GUCY1B1: variants seen among roughly 807,000 people sequenced by gnomAD.
GUCY1B1 encodes the protein guanylate cyclase 1 soluble subunit beta 1, also known as guanylate cyclase soluble subunit beta-1.
GUCY1B1 carries 43 observed loss-of-function variants against 71.0 expected under a neutral mutation model. The observed-to-expected ratio is 0.61, with a 90% CI of 0.47 to 0.78. The LOEUF (loss-of-function observed/expected upper bound fraction) is 0.78, where lower values mean the gene tolerates loss of function less well. Ranked by LOEUF, GUCY1B1 falls within the 30% of genes least tolerant of loss-of-function variation. The pLI is 0.00. For missense variants in GUCY1B1, 535 were observed against 754.1 expected (o/e 0.71, Z 3.40); for synonymous variants, 266 against 259.7 (o/e 1.02, Z -0.23).
At chr4:155,788,598 A>G (rs1738955637) in intron 4 of GUCY1B1, among the ~76,000 whole-genome samples, 1 of 152,222 alleles carries the variant, frequency 6.6e-6, no homozygotes, top group South Asian at 2.1e-4. Flanking sequence ...ACATATTCAC[A>G]GGGATTAAGG....
intron 5 of GUCY1B1, among the ~76,000 whole-genome samples, chr4:155,793,280 T>C (rs1349253875): frequency 2.6e-5 from 4 of 152,130 alleles, no homozygotes; most frequent in Non-Finnish European, 5.9e-5. Flanking sequence ...TTTTGCCATG[T>C]TGGCCAGGCT....
chr4:155,778,874 CAA>C (rs1267953479), intron 4 of GUCY1B1, among the ~76,000 whole-genome samples: 8 of 152,130 alleles, frequency 5.3e-5, no homozygotes, highest in Non-Finnish European at 1.2e-4. Flanking sequence ...CAACTTATAG[CAA>C]AGTTTCAACT....
Position 155,803,619 on chromosome 4 carries a change from G to C in GUCY1B1, c.1414-5G>C, listed in dbSNP as rs746809128. The stretch of plus-strand genomic sequence containing the variant: ...CCGTGAACATCTAAATATATGTACT[G>C]TTAGGTGGAGACTGTTGGTGACAAG... On this transcript the variant is annotated splice_region_variant and splice_polypyrimidine_tract_variant and intron_variant, in intron 10 of 13. Transcript: ENST00000264424. 4 of 1,568,122 alleles carry C rather than the reference G, an allele frequency of 2.6e-6. No individual in the cohort carries two copies. The highest frequency in any genetic ancestry group is 3.5e-6 in the Non-Finnish European group (4 of 1,157,020).
chr4:155,806,168 A>T (rs1740296946), intron 13 of GUCY1B1, among the ~76,000 whole-genome samples: 2 of 152,092 alleles, frequency 1.3e-5, no homozygotes, highest in Admixed American at 1.3e-4. Flanking sequence ...GGACATGCTT[A>T]TTGATGTTCT....
At chr4:155,792,205 G>A (rs13435454) in intron 5 of GUCY1B1, among the ~76,000 whole-genome samples, 84,846 of 151,702 alleles carry the variant, frequency 0.56, 24,037 homozygotes, top group Middle Eastern at 0.74. Flanking sequence ...TGAACCACAT[G>A]GTTAATACTA....
chr4:155,784,842 T>C (rs1738659665), intron 4 of GUCY1B1, among the ~76,000 whole-genome samples: 1 of 152,198 alleles, frequency 6.6e-6, no homozygotes, highest in African/African-American at 2.4e-5. Flanking sequence ...CCTGTAATTA[T>C]GTAAGAACTT....
At position 155,807,284 on chromosome 4, in the gene GUCY1B1, G is replaced by A. The variant is rs1326811023; in HGVS notation, c.*875G>A. On this transcript the variant is annotated 3_prime_UTR_variant, in exon 14 of 14. Coordinates refer to ENST00000264424, the MANE Select transcript of GUCY1B1 (RefSeq NM_000857.5). ...GATACTGCTGTTAGAGCCCTTCTTG[G>A]CCTTGTATTCCCAGAAATGAGCTCC... 1.3e-5 allele frequency: 2 copies of A among 152,104 alleles called. No individual in the cohort carries two copies. Among genetic ancestry groups the A allele is most frequent in the African/African-American group, 2.4e-5 (1 of 41,444 alleles). The allele number at this position is 152,104 out of a possible 1,614,324, so 9.4% of individuals were successfully genotyped here.
intron 2 of GUCY1B1, among the ~76,000 whole-genome samples, chr4:155,767,706 A>G (rs900423242): frequency 6.6e-6 from 1 of 152,114 alleles, no homozygotes; most frequent in Non-Finnish European, 1.5e-5. Flanking sequence ...CTGTCTCTCC[A>G]CTTGGCAGCT....
intron 2 of GUCY1B1, among the ~76,000 whole-genome samples, chr4:155,760,131 G>A (rs1330088095): frequency 1.3e-5 from 2 of 152,156 alleles, no homozygotes; most frequent in Non-Finnish European, 2.9e-5. Context: ...CGGCCTGAGC[G>A]TGGGAACGCG....
chr4:155,766,337 G>C (rs1737332366), intron 2 of GUCY1B1, among the ~76,000 whole-genome samples: 1 of 152,054 alleles, frequency 6.6e-6, no homozygotes, highest in African/African-American at 2.4e-5. Flanking sequence ...TATATTTAAG[G>C]TGCACAACTT....
rs945272783 is a variant in GUCY1B1, at chr4:155,759,871, G to C, written c.77+11G>C. On this transcript the variant is annotated intron_variant, in intron 2 of 13. Coordinates refer to ENST00000264424, the MANE Select transcript of GUCY1B1 (RefSeq NM_000857.5). Reference sequence around the variant, plus strand: ...GTGGGAAGACATCAAGTAAGTGGCCGGCTACCCTGGCTGTGGCCCAGGTCG... The same window carrying C: ...GTGGGAAGACATCAAGTAAGTGGCCCGCTACCCTGGCTGTGGCCCAGGTCG... The C allele has an allele frequency of 1.9e-6, 3 of 1,604,296 alleles. No homozygotes were observed. Among genetic ancestry groups the C allele is most frequent in the Non-Finnish European group, 2.6e-6 (3 of 1,172,040 alleles).
intron 9 of GUCY1B1, among the ~76,000 whole-genome samples, chr4:155,800,987 C>T (rs1739913174): frequency 6.6e-6 from 1 of 152,094 alleles, no homozygotes; most frequent in African/African-American, 2.4e-5. Context: ...TTGCTAATAT[C>T]TACATTCATG....
chr4:155,763,341 C>T (rs566931100), intron 2 of GUCY1B1, among the ~76,000 whole-genome samples: 2 of 152,116 alleles, frequency 1.3e-5, no homozygotes, highest in South Asian at 4.2e-4. Context: ...ACACCCAGCC[C>T]AACTTTAGAT....
At chr4:155,782,954 G>A (rs1738536823) in intron 4 of GUCY1B1, among the ~76,000 whole-genome samples, 1 of 152,168 alleles carries the variant, frequency 6.6e-6, no homozygotes, top group African/African-American at 2.4e-5. Flanking sequence ...AAACCAGCCT[G>A]CTCCGGCATT....
intron 2 of GUCY1B1, among the ~76,000 whole-genome samples, chr4:155,774,219 C>CT (rs1003968941): frequency 6.6e-6 from 1 of 152,178 alleles, no homozygotes; most frequent in Admixed American, 6.5e-5. Context: ...GTTACCTCTC[C>CT]TACCCGTTCC....
intron 4 of GUCY1B1, among the ~76,000 whole-genome samples, chr4:155,783,635 T>G (rs1350417236): frequency 6.6e-6 from 1 of 152,162 alleles, no homozygotes; most frequent in African/African-American, 2.4e-5. Flanking sequence ...CTCCAGGTTT[T>G]GACTTATTAA....
At chr4:155,796,297 T>A in intron 7 of GUCY1B1, 80 bp from the exon 8 acceptor site, 1 of 1,258,472 alleles carries the variant, frequency 7.9e-7, no homozygotes, top group South Asian at 1.3e-5. Context: ...TGGTGGGAAA[T>A]GAGATATGCG....
Position 155,806,577 on chromosome 4 carries a change from T to C in GUCY1B1, c.*168T>C. ...ATCTCTCACTATCCGTTATTCAACC[T>C]TAGCTCTGCTTTCTATTACTTTTTA... On this transcript the variant is annotated 3_prime_UTR_variant, in exon 14 of 14. Coordinates refer to ENST00000264424, the MANE Select transcript of GUCY1B1 (RefSeq NM_000857.5). The C allele has an allele frequency of 1.9e-6, 1 of 515,936 alleles. No individual in the cohort carries two copies. The allele number at this position is 515,936 out of a possible 1,614,324, so 32.0% of individuals were successfully genotyped here. A position where few individuals can be genotyped will look rare whatever the true frequency, so the allele number is the denominator to read the frequency against.
Position 155,806,419 on chromosome 4 carries a change from T to C in GUCY1B1, c.*10T>C, listed in dbSNP as rs749573718. 2.4e-5 allele frequency: 39 copies of C among 1,598,776 alleles called. 1 individual carries two copies. In the Middle Eastern group the frequency reaches 1.8e-3, roughly 75 times the overall value. Reference sequence around the variant, plus strand: ...GCAGGATGATGACTGAATCTTGGATTATGGGGTGAAGAGGAGTACAGACTA... The same window carrying C: ...GCAGGATGATGACTGAATCTTGGATCATGGGGTGAAGAGGAGTACAGACTA... On this transcript the variant is annotated 3_prime_UTR_variant, in exon 14 of 14. Transcript: ENST00000264424.
Sources: gnomAD v4.1 joint callset for allele counts (sites outside exome capture counted in the v4.1 genomes callset) on GRCh38, gnomAD v4.1.1 for gene constraint, MANE v1.5 for transcripts, NCBI Gene and HGNC (gene_info 2026-07-23, HGNC 2026-07-21) for gene names.